The following LAMA2 variants were observed in gnomAD, a reference collection of about 807,000 sequenced individuals.
LAMA2 encodes laminin subunit alpha 2, also known as laminin subunit alpha-2.
LAMA2 carries 269 observed loss-of-function variants against 364.8 expected under a neutral mutation model. That is an observed-to-expected ratio of 0.74 (90% CI 0.67 to 0.82). The LOEUF is 0.82. Among genes scored for constraint, LAMA2 ranks in the 40% least tolerant of loss-of-function variants. LAMA2 has a pLI of 0.00. For missense variants in LAMA2, 3,807 were observed against 3,873.2 expected, an observed-to-expected ratio of 0.98 and a Z score of 0.45; for synonymous variants, 1,379 against 1,370.6, an observed-to-expected ratio of 1.01 and a Z score of -0.14.
At chr6:129,456,287 T>G in intron 47 of LAMA2, 48 bp from the exon 48 acceptor site, 1 of 1,551,978 alleles carries the variant, frequency 6.4e-7, no homozygotes, top group African/African-American at 1.4e-5. Context: ...GATGCATATT[T>G]CATTTTCTGT....
intron 1 of LAMA2, among the ~76,000 whole-genome samples, chr6:129,024,433 G>A (rs1294781379): frequency 2.1e-5 from 3 of 145,508 alleles, no homozygotes; most frequent in Non-Finnish European, 1.5e-5. Context: ...GCCCAGGCTG[G>A]TGTGCAATGG....
At chr6:129,249,769 C>T (rs556660849) in intron 12 of LAMA2, among the ~76,000 whole-genome samples, 1 of 152,218 alleles carries the variant, frequency 6.6e-6, no homozygotes, top group Non-Finnish European at 1.5e-5. Context: ...TGACAAAGAT[C>T]GTTCTCTGTT....
At chr6:129,222,142 G>T (rs527336878) in intron 12 of LAMA2, among the ~76,000 whole-genome samples, 1 of 152,212 alleles carries the variant, frequency 6.6e-6, no homozygotes. Flanking sequence ...TCTTGGGTTG[G>T]GTAGTTGGCT....
At chr6:129,337,422 C>A (rs1776013766) in intron 29 of LAMA2, among the ~76,000 whole-genome samples, 1 of 152,008 alleles carries the variant, frequency 6.6e-6, no homozygotes, top group African/African-American at 2.4e-5. Context: ...AGGACCTTCC[C>A]TAGGAAAAGG....
intron 22 of LAMA2, among the ~76,000 whole-genome samples, chr6:129,304,192 C>G (rs1773722965): frequency 6.6e-6 from 1 of 152,174 alleles, no homozygotes; most frequent in Non-Finnish European, 1.5e-5. Flanking sequence ...AATGTGATAA[C>G]TTGCATGAAA....
intron 43 of LAMA2, chr6:129,442,275 T>G (rs1782158105): frequency 8.0e-7 from 1 of 1,246,532 alleles, no homozygotes; most frequent in African/African-American, 1.6e-5. Context: ...TACGACTCCT[T>G]CATGAGCAAG....
At chr6:129,472,602 G>T (rs562524634) in intron 51 of LAMA2, among the ~76,000 whole-genome samples, 1 of 151,906 alleles carries the variant, frequency 6.6e-6, no homozygotes, top group Non-Finnish European at 1.5e-5. Flanking sequence ...AGACCCAAAA[G>T]AAAAGCAAGA....
At position 128,998,004 on chromosome 6, in the gene LAMA2, C is replaced by G. The variant is rs58719322; in HGVS notation, c.113-51914C>G. On this transcript the variant is annotated intron_variant, in intron 1 of 64. Transcript: ENST00000421865. ...GAAGGTGATGGATAGGAGAAAGGACCCTGAGTTATTATAACAGAGTCCAAG... is the reference window on the plus strand; with the variant it reads ...GAAGGTGATGGATAGGAGAAAGGACGCTGAGTTATTATAACAGAGTCCAAG... 4.4e-3 allele frequency among the ~76,000 whole-genome samples: 669 copies of G among 151,776 alleles called. 4 individuals carry two copies. Among genetic ancestry groups the G allele is most frequent in the African/African-American group, 0.015 (639 of 41,392 alleles).
chr6:129,213,867 C>G (rs112820406), intron 12 of LAMA2, among the ~76,000 whole-genome samples: 2 of 152,042 alleles, frequency 1.3e-5, no homozygotes, highest in African/African-American at 4.8e-5. Flanking sequence ...TTAATAAAAT[C>G]TAAAATGAAT....
intron 62 of LAMA2, among the ~76,000 whole-genome samples, chr6:129,510,650 C>G (rs1204990130): frequency 6.6e-6 from 1 of 151,598 alleles, no homozygotes; most frequent in Non-Finnish European, 1.5e-5. Context: ...TGATTAAAGA[C>G]AAAAAAAGCA....
rs1779419555 is a variant in LAMA2 at position 128,930,700 on chromosome 6, TTTTCTACTCAAAG to T, written c.112+47345_112+47357del. On this transcript the variant is annotated intron_variant, in intron 1 of 64. Coordinates refer to ENST00000421865, the MANE Select transcript of LAMA2 (RefSeq NM_000426.4). Reference sequence around the variant, plus strand: ...TGACTGATATGATCCCTTAACTGATTTTTCTACTCAAAGTCTCTTCTCCCTCCGATTATTCTAC... The same window carrying T: ...TGACTGATATGATCCCTTAACTGATTTCTCTTCTCCCTCCGATTATTCTAC... Among the ~76,000 whole-genome samples, 5 of 152,326 alleles carry T rather than the reference TTTTCTACTCAAAG, an allele frequency of 3.3e-5. No individual in the cohort carries two copies. In the South Asian group the frequency reaches 1.0e-3, roughly 32 times the overall value.
intron 1 of LAMA2, among the ~76,000 whole-genome samples, chr6:128,936,865 G>A (rs1304436098): frequency 6.6e-6 from 1 of 152,100 alleles, no homozygotes; most frequent in African/African-American, 2.4e-5. Context: ...TGCTTTGAGC[G>A]ACCCTTGATT....
intron 1 of LAMA2, chr6:128,928,955 G>A (rs1253813347): frequency 1.1e-6 from 1 of 927,268 alleles, no homozygotes; most frequent in Non-Finnish European, 1.8e-6. Flanking sequence ...AGTAGAGGAG[G>A]TAATACAGGG....
chr6:129,261,819 T>G (rs1339844143), intron 15 of LAMA2, among the ~76,000 whole-genome samples: 3 of 152,088 alleles, frequency 2.0e-5, no homozygotes, highest in African/African-American at 7.2e-5. Flanking sequence ...GAAATAAAAC[T>G]AGATATAACT....
intron 3 of LAMA2, among the ~76,000 whole-genome samples, chr6:129,095,520 G>C (rs550350451): frequency 6.6e-6 from 1 of 151,994 alleles, no homozygotes; most frequent in Non-Finnish European, 1.5e-5. Context: ...AGTCAGATTT[G>C]CTTCAGCCTC....
At chr6:129,466,965 A>G (rs561985105) in intron 51 of LAMA2, among the ~76,000 whole-genome samples, 30 of 151,990 alleles carry the variant, frequency 2.0e-4, no homozygotes, top group African/African-American at 6.3e-4. Context: ...GTTTGGAGAT[A>G]TGTAACAATT....
rs539737807 is a variant in LAMA2 at position 129,123,520 on chromosome 6, G to A, written c.640-20381G>A. Among the ~76,000 whole-genome samples, 7 of 152,184 alleles carry A rather than the reference G, an allele frequency of 4.6e-5. No individual in the cohort carries two copies. The South Asian group carries it at 1.2e-3, about 27-fold the overall frequency. On this transcript the variant is annotated intron_variant, in intron 4 of 64. Coordinates refer to ENST00000421865, the MANE Select transcript of LAMA2 (RefSeq NM_000426.4). ...CAGATGAATAAATAAGGAAAATGTG[G>A]TATATACATACAATAGGATATTACT...
At chr6:129,237,515 T>C (rs569248224) in intron 12 of LAMA2, among the ~76,000 whole-genome samples, 1 of 152,000 alleles carries the variant, frequency 6.6e-6, no homozygotes, top group East Asian at 1.9e-4. Context: ...TTTGTATTTT[T>C]AGTAGAGACA....
chr6:129,277,652 C>G (rs1019340063), intron 17 of LAMA2, among the ~76,000 whole-genome samples: 1 of 152,062 alleles, frequency 6.6e-6, no homozygotes, highest in Non-Finnish European at 1.5e-5. Context: ...ACTAAATTCT[C>G]CTGGAAATTT....
Sources: gnomAD v4.1 joint callset for allele counts (sites outside exome capture counted in the v4.1 genomes callset) on GRCh38, gnomAD v4.1.1 for gene constraint, MANE v1.5 for transcripts, NCBI Gene and HGNC (gene_info 2026-07-23, HGNC 2026-07-21) for gene names.